The following NR6A1 variants were observed in gnomAD, a reference collection of about 807,000 sequenced individuals.
The protein encoded by NR6A1 is retinoic acid receptor-related testis-associated receptor.
Under a neutral mutation model 59.1 loss-of-function variants are expected in NR6A1, and 7 were observed. That is an observed-to-expected ratio of 0.12 (90% CI 0.07 to 0.22). The LOEUF (loss-of-function observed/expected upper bound fraction) is 0.22. Ranked by LOEUF, NR6A1 falls within the 10% of genes least tolerant of loss-of-function variation. NR6A1 has a pLI of 1.00. For synonymous variants in NR6A1, 243 were observed against 236.1 expected (o/e 1.03, Z -0.27); for missense variants, 468 against 611.6 (o/e 0.77, Z 2.48).
intron 2 of NR6A1, among the ~76,000 whole-genome samples, chr9:124,602,507 G>A (rs932652365): frequency 6.6e-5 from 10 of 152,174 alleles, no homozygotes; most frequent in Middle Eastern, 3.2e-3. Context: ...TCTCAAACTT[G>A]GGGGCAGAGT....
chr9:124,621,825 G>C (rs1836085769), intron 2 of NR6A1, among the ~76,000 whole-genome samples: 1 of 152,100 alleles, frequency 6.6e-6, no homozygotes. Flanking sequence ...AAGCCACACA[G>C]AAATGTTTTT....
chr9:124,525,284 A>AACACACACACACAC lies in NR6A1; in HGVS notation c.1202-425_1202-412dup, dbSNP rs71492413. The stretch of plus-strand genomic sequence containing the variant: ...AATACCTACACATTCATGCTTGTAA[A>AACACACACACACAC]ACACACACACACACACACACACACA... On this transcript the variant is annotated intron_variant, in intron 8 of 9. Coordinates refer to ENST00000487099, the MANE Select transcript of NR6A1 (RefSeq NM_033334.4). Among the ~76,000 whole-genome samples, 1,230 of 137,366 alleles carry AACACACACACACAC rather than the reference A, an allele frequency of 9.0e-3. 10 individuals are homozygous for AACACACACACACAC. The highest frequency in any genetic ancestry group is 0.02 in the African/African-American group (728 of 35,920). 90.1% of individuals were successfully genotyped at this position (137,366 alleles called of 152,430 possible). A position where few individuals can be genotyped will look rare whatever the true frequency, so the allele number is the denominator to read the frequency against.
intron 2 of NR6A1, among the ~76,000 whole-genome samples, chr9:124,674,313 T>C (rs975701431): frequency 3.9e-5 from 6 of 152,234 alleles, no homozygotes; most frequent in African/African-American, 1.2e-4. Flanking sequence ...GGGAACTCCA[T>C]ATCATTCAGT....
At chr9:124,560,428 C>T (rs181362128) in intron 2 of NR6A1, among the ~76,000 whole-genome samples, 74 of 152,182 alleles carry the variant, frequency 4.9e-4, no homozygotes, top group Admixed American at 7.8e-4. Context: ...CATGTGTGGT[C>T]GGCGTTACAT....
At chr9:124,748,299 A>G (rs770208040) in intron 1 of NR6A1, among the ~76,000 whole-genome samples, 9 of 152,194 alleles carry the variant, frequency 5.9e-5, no homozygotes, top group Non-Finnish European at 1.3e-4. Context: ...GAGTTTATCA[A>G]AAGTTGCAGT....
chr9:124,668,542 A>C (rs974163050), intron 2 of NR6A1, among the ~76,000 whole-genome samples: 1 of 152,212 alleles, frequency 6.6e-6, no homozygotes, highest in Non-Finnish European at 1.5e-5. Context: ...TAAAAAGGAA[A>C]ATTTGTCACC....
At chr9:124,735,488 A>G (rs1839996809) in intron 1 of NR6A1, among the ~76,000 whole-genome samples, 1 of 152,234 alleles carries the variant, frequency 6.6e-6, no homozygotes, top group Admixed American at 6.5e-5. Flanking sequence ...AACTAAACAG[A>G]ACACACAACC....
chr9:124,665,183 C>CAAAAA, intron 2 of NR6A1, among the ~76,000 whole-genome samples: 1 of 125,076 alleles, frequency 8.0e-6, no homozygotes, highest in South Asian at 2.7e-4. Context: ...GAACCTTTCT[C>CAAAAA]AAAAAAAAAA....
At chr9:124,722,490 T>C (rs765532984) in intron 2 of NR6A1, among the ~76,000 whole-genome samples, 1 of 152,244 alleles carries the variant, frequency 6.6e-6, no homozygotes, top group Non-Finnish European at 1.5e-5. Flanking sequence ...CTAGCTGAGA[T>C]GTACACATTT....
At chr9:124,765,418 G>T (rs62581858) in intron 1 of NR6A1, among the ~76,000 whole-genome samples, 2 of 152,162 alleles carry the variant, frequency 1.3e-5, no homozygotes, top group Non-Finnish European at 2.9e-5. Flanking sequence ...CTATTTAGAC[G>T]TAAGAATTTG....
At chr9:124,557,428 C>G (rs543192095) in intron 2 of NR6A1, among the ~76,000 whole-genome samples, 4 of 152,098 alleles carry the variant, frequency 2.6e-5, no homozygotes, top group Non-Finnish European at 5.9e-5. Context: ...CCACCGCGCC[C>G]GGCCAATCCT....
At chr9:124,632,968 C>G (rs1157135821) in intron 2 of NR6A1, among the ~76,000 whole-genome samples, 23 of 152,188 alleles carry the variant, frequency 1.5e-4, no homozygotes, top group Admixed American at 1.5e-3. Context: ...TCTAGATTAT[C>G]TGAGCCTCAA....
intron 1 of NR6A1, among the ~76,000 whole-genome samples, chr9:124,736,307 C>T (rs914731586): frequency 1.3e-5 from 2 of 152,090 alleles, no homozygotes; most frequent in Non-Finnish European, 2.9e-5. Context: ...TTGTTGTGAA[C>T]TCAAGTAAAT....
chr9:124,696,158 G>C (rs969773739), intron 2 of NR6A1, among the ~76,000 whole-genome samples: 2 of 152,144 alleles, frequency 1.3e-5, no homozygotes, highest in African/African-American at 4.8e-5. Flanking sequence ...TTGTGAGCAA[G>C]GCGCAAAGTC....
At chr9:124,700,166 A>T (rs1307013792) in intron 2 of NR6A1, among the ~76,000 whole-genome samples, 1 of 151,566 alleles carries the variant, frequency 6.6e-6, no homozygotes, top group Non-Finnish European at 1.5e-5. Context: ...CATTTCATAT[A>T]GGAGAAATCA....
In NR6A1 at chr9:124,521,596, G is replaced by C. The variant is rs1200461646; in HGVS notation, c.*1109C>G. On this transcript the variant is annotated 3_prime_UTR_variant, in exon 10 of 10. Coordinates refer to ENST00000487099, the MANE Select transcript of NR6A1 (RefSeq NM_033334.4). Reference sequence around the variant, plus strand: ...TTGTTTAAAAAAGCCTGAAGTTTTCGGATTTAGACCTGAGGGTGCGGTAGG... The same window carrying C: ...TTGTTTAAAAAAGCCTGAAGTTTTCCGATTTAGACCTGAGGGTGCGGTAGG... 1 of 152,226 alleles carries C rather than the reference G, an allele frequency of 6.6e-6. No homozygotes were observed. Among genetic ancestry groups the C allele is most frequent in the African/African-American group, 2.4e-5 (1 of 41,440 alleles). 9.4% of individuals were successfully genotyped at this position (152,226 alleles called of 1,614,324 possible).
In NR6A1 at chr9:124,663,240, A is replaced by C. The variant is rs929062468; in HGVS notation, c.142+70068T>G. On this transcript the variant is annotated intron_variant, in intron 2 of 9. Coordinates refer to ENST00000487099, the MANE Select transcript of NR6A1 (RefSeq NM_033334.4). Reference sequence around the variant, plus strand: ...CACAAGCTTCTGTGGTTTTAAAAAAAAATTTAGAAAGCCAAAGGACTTCTA... The same window carrying C: ...CACAAGCTTCTGTGGTTTTAAAAAACAATTTAGAAAGCCAAAGGACTTCTA... Among the ~76,000 whole-genome samples the C allele has an allele frequency of 2.6e-5, 4 of 152,364 alleles. No homozygotes were observed. The East Asian group carries it at 7.7e-4, about 29-fold the overall frequency.
chr9:124,574,341 T>G (rs1225488248), intron 2 of NR6A1, among the ~76,000 whole-genome samples: 1 of 152,142 alleles, frequency 6.6e-6, no homozygotes, highest in Admixed American at 6.6e-5. Flanking sequence ...AGGCAGGAGG[T>G]AGTAGAAAGA....
chr9:124,578,751 T>C (rs2131452112), intron 2 of NR6A1, among the ~76,000 whole-genome samples: 1 of 152,322 alleles, frequency 6.6e-6, no homozygotes, highest in South Asian at 2.1e-4. Flanking sequence ...CTACTTCCTC[T>C]AGAAGATGAA....
Sources: gnomAD v4.1 joint callset for allele counts (sites outside exome capture counted in the v4.1 genomes callset) on GRCh38, gnomAD v4.1.1 for gene constraint, MANE v1.5 for transcripts, NCBI Gene and HGNC (gene_info 2026-07-23, HGNC 2026-07-21) for gene names.